The following NHSL1 variants were observed in gnomAD, a reference collection of about 807,000 sequenced individuals.
NHSL1 encodes NHS-like protein 1.
NHSL1 carries 48 observed loss-of-function variants against 95.0 expected under a neutral mutation model. The ratio of observed to expected loss-of-function variants is 0.51; its 90% CI spans 0.40 to 0.64. The LOEUF is 0.64. Among genes scored for constraint, NHSL1 ranks in the 30% least tolerant of loss-of-function variants. The pLI, the probability that NHSL1 is intolerant of heterozygous loss-of-function variation, is 0.00. For missense variants in NHSL1, 1,971 were observed against 2,077.7 expected (o/e 0.95, Z 1.00); for synonymous variants, 783 against 833.9 (o/e 0.94, Z 1.05).
chr6:138,595,313 C>T (rs4243456), intron 1 of NHSL1, among the ~76,000 whole-genome samples: 50,418 of 152,070 alleles, frequency 0.33, 8,711 homozygotes, highest in Middle Eastern at 0.46. Context: ...GTGGCTCATG[C>T]CCGTAATCCT....
intron 2 of NHSL1, among the ~76,000 whole-genome samples, chr6:138,481,952 G>A (rs149198142): frequency 3.7e-4 from 57 of 152,238 alleles, no homozygotes; most frequent in South Asian, 8.3e-4. Context: ...GTAAGCCCAA[G>A]ACTTTCTAAA....
intron 1 of NHSL1, among the ~76,000 whole-genome samples, chr6:138,589,588 C>A (rs1341327108): frequency 6.6e-6 from 1 of 152,208 alleles, no homozygotes. Context: ...CTGTGACAGT[C>A]TCTCTACCTG....
chr6:138,468,552 C>G (rs1037517156), intron 3 of NHSL1, among the ~76,000 whole-genome samples: 2 of 152,160 alleles, frequency 1.3e-5, no homozygotes, highest in African/African-American at 2.4e-5. Context: ...TGTGAGGGAT[C>G]TAGGTTGTGC....
intron 2 of NHSL1, among the ~76,000 whole-genome samples, chr6:138,482,537 A>T (rs1779490872): frequency 6.6e-6 from 1 of 151,792 alleles, no homozygotes; most frequent in East Asian, 1.9e-4. Flanking sequence ...GGTGACAATT[A>T]TGTTTTCTTT....
rs1775549044 is a variant in NHSL1, at chr6:138,430,331, A to G, written c.3952+62T>C. On this transcript the variant is annotated intron_variant, in intron 6 of 7. Transcript: ENST00000343505. The surrounding 1 kb of genome is among the most constrained non-coding windows in gnomAD (Gnocchi z 4.7). The stretch of plus-strand genomic sequence containing the variant: ...CCACGTGTGAGCATTCAACAACCCT[A>G]TCTGGTTCAGCTGCATATGGGCAGA... 2.1e-6 allele frequency: 3 copies of G among 1,427,674 alleles called. No homozygotes were observed. Among genetic ancestry groups the G allele is most frequent in the South Asian group, 3.4e-5 (2 of 59,394 alleles). 88.4% of individuals were successfully genotyped at this position (1,427,674 alleles called of 1,614,324 possible).
At chr6:138,468,917 T>C (rs1008324201) in intron 3 of NHSL1, among the ~76,000 whole-genome samples, 6 of 152,238 alleles carry the variant, frequency 3.9e-5, no homozygotes, top group South Asian at 2.1e-4. Flanking sequence ...TTGCATTTGC[T>C]TTACTGTTAC....
upstream of NHSL1, among the ~76,000 whole-genome samples, chr6:138,501,212 C>G (rs975663851): frequency 3.3e-5 from 5 of 152,198 alleles, no homozygotes; most frequent in African/African-American, 1.2e-4. Context: ...ATGTGCTCAA[C>G]AATGGCATCT....
chr6:138,501,391 G>C (rs1253184037), upstream of NHSL1, among the ~76,000 whole-genome samples: 1 of 152,166 alleles, frequency 6.6e-6, no homozygotes, highest in Non-Finnish European at 1.5e-5. Flanking sequence ...AGAAGGAGTT[G>C]AGTGCAACAG....
intron 1 of NHSL1, among the ~76,000 whole-genome samples, chr6:138,648,238 T>C (rs1175520640): frequency 6.6e-6 from 1 of 152,012 alleles, no homozygotes; most frequent in Non-Finnish European, 1.5e-5. Flanking sequence ...TTCACTTATC[T>C]ACTGCTGCAT....
At chr6:138,484,794 C>T (rs1476614018) in intron 2 of NHSL1, among the ~76,000 whole-genome samples, 1 of 152,176 alleles carries the variant, frequency 6.6e-6, no homozygotes, top group African/African-American at 2.4e-5. Context: ...AGGAGTTAAA[C>T]ATTAAAAGTT....
At chr6:138,644,872 T>C (rs1286251098) in intron 1 of NHSL1, among the ~76,000 whole-genome samples, 1 of 152,242 alleles carries the variant, frequency 6.6e-6, no homozygotes, top group Non-Finnish European at 1.5e-5. Flanking sequence ...TTACTATCTA[T>C]AGGCACAGAT....
chr6:138,569,206 C>T (rs867697500), intron 1 of NHSL1, among the ~76,000 whole-genome samples: 2 of 151,816 alleles, frequency 1.3e-5, no homozygotes, highest in Middle Eastern at 3.4e-3. Context: ...GCTACAGTTG[C>T]CCTACATCTA....
At chr6:138,561,521 G>T (rs931958274) in intron 1 of NHSL1, among the ~76,000 whole-genome samples, 9 of 152,236 alleles carry the variant, frequency 5.9e-5, no homozygotes, top group Middle Eastern at 6.8e-3. Context: ...TCTAGGAAAC[G>T]CCCTGTAGGC....
intron 1 of NHSL1, among the ~76,000 whole-genome samples, chr6:138,682,946 C>G (rs1399835585): frequency 6.6e-6 from 1 of 152,192 alleles, no homozygotes; most frequent in African/African-American, 2.4e-5. Context: ...CCGTCAAGTT[C>G]CGGGTGAAAA....
chr6:138,537,830 G>T (rs1262684019), intron 1 of NHSL1, among the ~76,000 whole-genome samples: 1 of 152,082 alleles, frequency 6.6e-6, no homozygotes, highest in East Asian at 1.9e-4. Flanking sequence ...CCAAAAGCTG[G>T]CACAAGCAGT....
At chr6:138,666,370 T>C (rs1183551956) in intron 1 of NHSL1, among the ~76,000 whole-genome samples, 1 of 151,868 alleles carries the variant, frequency 6.6e-6, no homozygotes, top group Non-Finnish European at 1.5e-5. Flanking sequence ...GGCAGGCAGA[T>C]CATGAGGTCA....
intron 1 of NHSL1, among the ~76,000 whole-genome samples, chr6:138,526,562 C>T (rs9495110): frequency 0.012 from 1,889 of 152,240 alleles, 34 homozygotes; most frequent in African/African-American, 0.044. Flanking sequence ...ACTTCCCTGC[C>T]CTCTCTACTT....
Position 138,433,098 on chromosome 6 carries a change from G to T in NHSL1, c.1247C>A (p.Ala416Asp). ...ATYSTSIIPN[A>D]TLSSSSEVIA... ...GACCTCGGAAGAGGAAGACAGTGTG[G>T]CATTTGGGATGATGCTGGTGGAGTA... Residue 416 changes from alanine to aspartate, a missense_variant, in exon 6 of 8, where the codon GCC (alanine) becomes GAC (aspartate). Physicochemically the swap from Ala to Asp is moderately radical, Grantham distance 126. This residue lies in a region of NHSL1 where 1,602 missense variants were observed against 1,654.5 expected (regional missense o/e 0.97). Transcript: ENST00000343505. The T allele has an allele frequency of 1.3e-6, 2 of 1,550,820 alleles. No individual in the cohort carries two copies. The highest frequency in any genetic ancestry group is 8.7e-7 in the Non-Finnish European group (1 of 1,146,748).
In NHSL1 at chr6:138,424,110, A is replaced by G. The variant is rs762217634; in HGVS notation, c.4792T>C (p.Cys1598Arg). 10 of 1,408,236 alleles carry G rather than the reference A, an allele frequency of 7.1e-6. No homozygotes were observed. The African/African-American group carries it at 1.2e-4, about 16-fold the overall frequency. The allele number at this position is 1,408,236 out of a possible 1,614,324, so 87.2% of individuals were successfully genotyped here. A position where few individuals can be genotyped will look rare whatever the true frequency, so the allele number is the denominator to read the frequency against. ...SAEGREPSPQ[C>R]GGSLSEES The stretch of plus-strand genomic sequence containing the variant: ...CTCTCCTCGCTCAGAGAACCGCCAC[A>G]CTGTGGGGAGGGCTCTCTGCCCTCT... The change falls in exon 8 of 8, where the codon TGT (cysteine) becomes CGT (arginine). Residue 1598 changes from cysteine to arginine, a missense_variant. Cys to Arg is a radical substitution (Grantham distance 180, BLOSUM62 -3). Around this residue, in one of 3 missense-constraint regions of NHSL1, gnomAD observed 223 missense variants for 217.0 expected, o/e 1.03. Transcript: ENST00000343505. The surrounding 1 kb of genome is among the most constrained non-coding windows in gnomAD (Gnocchi z 5.9).
Sources: gnomAD v4.1 joint callset for allele counts (sites outside exome capture counted in the v4.1 genomes callset) on GRCh38, gnomAD v4.1.1 for gene constraint, gnomAD v4.1.1 regional missense constraint, Gnocchi (gnomAD v3.1) non-coding constraint, MANE v1.5 for transcripts, NCBI Gene and HGNC (gene_info 2026-07-23, HGNC 2026-07-21) for gene names.